The following OTOGL variants were observed in gnomAD, a reference collection of about 807,000 sequenced individuals.
OTOGL encodes otogelin like.
In OTOGL, 285 loss-of-function variants were observed where a neutral mutation model predicts 318.5. The observed-to-expected ratio is 0.89, with a 90% CI of 0.81 to 0.99. The LOEUF is 0.99. Ranked by LOEUF, OTOGL falls within the 50% of genes least tolerant of loss-of-function variation. The pLI, the probability that OTOGL is intolerant of heterozygous loss-of-function variation, is 0.00. For missense variants in OTOGL, 2,899 were observed against 2,845.6 expected (o/e 1.02, Z -0.43); for synonymous variants, 987 against 936.5 (o/e 1.05, Z -0.99).
intron 52 of OTOGL, among the ~76,000 whole-genome samples, chr12:80,362,795 G>T (rs935243684): frequency 1.3e-5 from 2 of 151,886 alleles, no homozygotes; most frequent in African/African-American, 4.8e-5. Flanking sequence ...TTCGGACAGG[G>T]GCTAATAGAA....
intron 8 of OTOGL, among the ~76,000 whole-genome samples, chr12:80,232,630 G>A (rs930197839): frequency 4.6e-5 from 7 of 152,168 alleles, no homozygotes; most frequent in Non-Finnish European, 1.0e-4. Context: ...TTGGTTCAAA[G>A]AAGCATCTAA....
intron 27 of OTOGL, among the ~76,000 whole-genome samples, chr12:80,298,300 G>T (rs1885544697): frequency 6.6e-6 from 1 of 152,080 alleles, no homozygotes. Context: ...GGTGCTTAGG[G>T]TGATTGTTAA....
At chr12:80,372,350 AT>A (rs899103582) in intron 57 of OTOGL, among the ~76,000 whole-genome samples, 13 of 152,098 alleles carry the variant, frequency 8.5e-5, no homozygotes, top group East Asian at 7.7e-4. Context: ...TAATTTAAAT[AT>A]TTTTTTATTG....
chr12:80,148,776 C>T (rs1872573898), intron 1 of OTOGL, among the ~76,000 whole-genome samples: 1 of 152,110 alleles, frequency 6.6e-6, no homozygotes, highest in Non-Finnish European at 1.5e-5. Flanking sequence ...TTTCTCTAAA[C>T]TTCCCTTCTC....
intron 1 of OTOGL, among the ~76,000 whole-genome samples, chr12:80,160,206 G>A (rs1176864439): frequency 6.6e-6 from 1 of 151,836 alleles, no homozygotes; most frequent in Admixed American, 6.6e-5. Context: ...TTATGACCAA[G>A]AACCCAAAGC....
rs182433125 is a variant in OTOGL at position 80,320,180 on chromosome 12, A to G, written c.3803-242A>G. On this transcript the variant is annotated intron_variant, in intron 33 of 58. Coordinates refer to ENST00000547103, the MANE Select transcript of OTOGL (RefSeq NM_001378609.3). ...ACAAAATAAATTATTAAAAAAATAG[A>G]AGTTACCAAAGACTGATTTTTTTTT... is the stretch of plus-strand genomic sequence containing the variant. Among the ~76,000 whole-genome samples, 23 of 152,198 alleles carry G rather than the reference A, an allele frequency of 1.5e-4. 1 individual carries two copies. Among genetic ancestry groups the G allele is most frequent in the African/African-American group, 5.3e-4 (22 of 41,534 alleles).
chr12:80,210,812 A>T, intron 2 of OTOGL, 35 bp from the exon 3 acceptor site: 2 of 1,345,656 alleles, frequency 1.5e-6, no homozygotes, highest in South Asian at 1.5e-5. Context: ...TATTTGGATA[A>T]TTTTTTTTCA....
intron 44 of OTOGL, chr12:80,343,503 ATTCTTGTT>A (rs1888924623): frequency 6.6e-5 from 1 of 15,256 alleles, no homozygotes; most frequent in Non-Finnish European, 1.6e-4. Context: ...ATTATTTTTT[ATTCTTGTT>A]TTTTTTTTTT....
chr12:80,307,671 C>T (rs1249061973), intron 29 of OTOGL, among the ~76,000 whole-genome samples: 1 of 143,280 alleles, frequency 7.0e-6, no homozygotes, highest in Non-Finnish European at 1.5e-5. Flanking sequence ...TGGCTCCTCA[C>T]TTCCCAGTAG....
chr12:80,269,378 A>C (rs550345118), intron 22 of OTOGL, among the ~76,000 whole-genome samples: 1 of 152,258 alleles, frequency 6.6e-6, no homozygotes, highest in African/African-American at 2.4e-5. Context: ...TTAGAATGTA[A>C]GTTGCAAGGA....
rs148923581 is a variant in OTOGL, at chr12:80,320,260, T to C, written c.3803-162T>C. Reference sequence around the variant, plus strand: ...TAAAGTACTACTTTTTTTTTTCTTCTTTCAAGCATCTCCTAGTTTATTTGT... The same window carrying C: ...TAAAGTACTACTTTTTTTTTTCTTCCTTCAAGCATCTCCTAGTTTATTTGT... On this transcript the variant is annotated intron_variant, in intron 33 of 58. Transcript: ENST00000547103. Among the ~76,000 whole-genome samples the C allele has an allele frequency of 7.7e-3, 1,174 of 152,246 alleles. 11 individuals are homozygous for C. Among genetic ancestry groups the C allele is most frequent in the Middle Eastern group, 0.034 (10 of 294 alleles).
intron 9 of OTOGL, among the ~76,000 whole-genome samples, chr12:80,233,676 T>G (rs1879582635): frequency 6.6e-6 from 1 of 152,180 alleles, no homozygotes; most frequent in South Asian, 2.1e-4. Flanking sequence ...AAATAGGTTT[T>G]GTATCAATTC....
chr12:80,365,841 A>G (rs1890495050), intron 52 of OTOGL, among the ~76,000 whole-genome samples: 1 of 152,174 alleles, frequency 6.6e-6, no homozygotes, highest in African/African-American at 2.4e-5. Flanking sequence ...CTGATGTCAT[A>G]TGAAAACTAA....
Position 80,320,636 on chromosome 12 carries a change from T to C in OTOGL, c.4017T>C (p.Ser1339=). 4 of 1,609,712 alleles carry C rather than the reference T, an allele frequency of 2.5e-6. No homozygotes were observed. The East Asian group carries it at 8.9e-5, about 36-fold the overall frequency. The change falls in exon 34 of 59, where the codon AGT becomes AGC. Residue 1339 remains serine, a synonymous_variant. Transcript: ENST00000547103. ...TTTTCATCATATTCACAGATTCTAG[T>C]GTCAAAGCATCAAAATATGATGATT... ...KGFFIIFTDS[S]VKASKYDDSE...
chr12:80,232,772 C>A, intron 8 of OTOGL, 120 bp from the exon 9 acceptor site: 1 of 923,628 alleles, frequency 1.1e-6, no homozygotes, highest in Non-Finnish European at 1.6e-6. Flanking sequence ...TGCTGCACAG[C>A]TTATTCAATA....
At chr12:80,253,724 A>G in intron 14 of OTOGL, 150 bp downstream of exon 14, 1 of 609,196 alleles carries the variant, frequency 1.6e-6, no homozygotes, top group Non-Finnish European at 2.9e-6. Context: ...CCTTGGGGGA[A>G]GGGACATCTG....
chr12:80,300,850 A>G (rs533770389), intron 27 of OTOGL, among the ~76,000 whole-genome samples: 16 of 152,332 alleles, frequency 1.1e-4, no homozygotes, highest in Admixed American at 6.5e-4. Context: ...AAGAACAGAA[A>G]GAGAGCCAGC....
rs530951627 is a variant in OTOGL at position 80,229,997 on chromosome 12, T to C, written c.611+619T>C. 2.0e-3 allele frequency among the ~76,000 whole-genome samples: 310 copies of C among 152,126 alleles called. 3 individuals are homozygous for C. The highest frequency in any genetic ancestry group is 7.0e-3 in the South Asian group (34 of 4,824). ...GTTTTCGTATTTGGTGGAAGGTTTT[T>C]TTTTTTTTATGTTTTAACCTAGAAA... On this transcript the variant is annotated intron_variant, in intron 8 of 58. Coordinates refer to ENST00000547103, the MANE Select transcript of OTOGL (RefSeq NM_001378609.3).
chr12:80,222,666 G>C (rs1455534064), intron 7 of OTOGL, among the ~76,000 whole-genome samples: 1 of 152,152 alleles, frequency 6.6e-6, no homozygotes, highest in African/African-American at 2.4e-5. Context: ...ATAAGCTTCA[G>C]AGTGGCTCTA....
Sources: allele counts gnomAD v4.1 joint callset (sites outside exome capture counted in the v4.1 genomes callset), GRCh38; gene constraint gnomAD v4.1.1; transcripts MANE v1.5; gene names NCBI Gene and HGNC (gene_info 2026-07-23, HGNC 2026-07-21).